The following CNTNAP2 variants were observed in gnomAD, a reference collection of about 807,000 sequenced individuals.
The protein encoded by CNTNAP2 is contactin associated protein 2.
A neutral mutation model predicts 155.2 loss-of-function variants in CNTNAP2; 98 were observed. The ratio of observed to expected loss-of-function variants is 0.63; its 90% CI spans 0.54 to 0.75. The LOEUF is 0.75. Ranked by LOEUF, CNTNAP2 falls within the 30% of genes least tolerant of loss-of-function variation. The pLI is 0.00. For missense variants in CNTNAP2, 1,727 were observed against 1,688.1 expected (o/e 1.02, Z -0.40); for synonymous variants, 651 against 631.2 (o/e 1.03, Z -0.47).
chr7:146,709,929 G>C (rs1307948195), intron 1 of CNTNAP2, among the ~76,000 whole-genome samples: 2 of 152,196 alleles, frequency 1.3e-5, no homozygotes, highest in Non-Finnish European at 2.9e-5. Flanking sequence ...TGGGGATTTA[G>C]AACAGCAGAA....
chr7:146,488,775 C>A (rs148767064), intron 1 of CNTNAP2, among the ~76,000 whole-genome samples: 3,486 of 152,184 alleles, frequency 0.023, 69 homozygotes, highest in Middle Eastern at 0.044. Context: ...ATTTCAGGCA[C>A]GTGCCACCAC....
At chr7:146,887,554 A>G (rs1795692702) in intron 3 of CNTNAP2, among the ~76,000 whole-genome samples, 1 of 152,088 alleles carries the variant, frequency 6.6e-6, no homozygotes, top group Admixed American at 6.6e-5. Flanking sequence ...AAGCCATTGA[A>G]TCAGTTTTTC....
chr7:147,529,663 A>T (rs1472079776), intron 11 of CNTNAP2, among the ~76,000 whole-genome samples: 4 of 152,226 alleles, frequency 2.6e-5, no homozygotes, highest in Non-Finnish European at 5.9e-5. Context: ...GGCTTAATAA[A>T]ATAAAAGCAA....
At chr7:147,197,898 A>G (rs1224546868) in intron 8 of CNTNAP2, among the ~76,000 whole-genome samples, 1 of 152,228 alleles carries the variant, frequency 6.6e-6, no homozygotes, top group Non-Finnish European at 1.5e-5. Flanking sequence ...TTTGAGCTCT[A>G]AAGTTTAAAA....
At chr7:147,803,512 AT>A (rs112359999) in intron 13 of CNTNAP2, among the ~76,000 whole-genome samples, 77 of 152,302 alleles carry the variant, frequency 5.1e-4, no homozygotes, top group Middle Eastern at 3.4e-3. Flanking sequence ...TTGCCTTGTC[AT>A]TTCTACCAGT....
chr7:146,167,601 A>G lies in CNTNAP2; in HGVS notation c.97+50628A>G, dbSNP rs543108900. ...TAGAATGATGCTTTGATCTTCTTCT[A>G]GTACAACTATATCTTTGTTGTTGCT... On this transcript the variant is annotated intron_variant, in intron 1 of 23. Coordinates refer to ENST00000361727, the MANE Select transcript of CNTNAP2 (RefSeq NM_014141.6). Among the ~76,000 whole-genome samples the G allele has an allele frequency of 5.9e-5, 9 of 152,330 alleles. No homozygotes were observed. In the South Asian group the frequency reaches 1.9e-3, roughly 32 times the overall value.
chr7:146,860,836 C>T (rs1795084620), intron 3 of CNTNAP2, among the ~76,000 whole-genome samples: 1 of 151,672 alleles, frequency 6.6e-6, no homozygotes, highest in Non-Finnish European at 1.5e-5. Flanking sequence ...TAGAATGAGC[C>T]CTAGAATAAT....
intron 10 of CNTNAP2, among the ~76,000 whole-genome samples, chr7:147,473,250 G>A (rs1798258965): frequency 2.6e-5 from 4 of 152,186 alleles, no homozygotes; most frequent in Admixed American, 2.6e-4. Flanking sequence ...TTAGGAACTG[G>A]AGAGGGTTAT....
chr7:147,044,905 T>C (rs1799327778), intron 4 of CNTNAP2, among the ~76,000 whole-genome samples: 1 of 152,130 alleles, frequency 6.6e-6, no homozygotes, highest in Non-Finnish European at 1.5e-5. Context: ...GATGGTGAAT[T>C]CTTCTTGAGA....
intron 10 of CNTNAP2, among the ~76,000 whole-genome samples, chr7:147,433,839 T>C (rs750648399): frequency 3.9e-5 from 6 of 152,260 alleles, no homozygotes; most frequent in Non-Finnish European, 8.8e-5. Context: ...TTGATATGTC[T>C]TGTTGTATGA....
At chr7:146,998,237 T>C (rs1798349750) in intron 3 of CNTNAP2, among the ~76,000 whole-genome samples, 1 of 152,096 alleles carries the variant, frequency 6.6e-6, no homozygotes, top group Admixed American at 6.6e-5. Context: ...TTCCCATTTA[T>C]ATTTGTCTGA....
intron 1 of CNTNAP2, among the ~76,000 whole-genome samples, chr7:146,303,559 T>G (rs1381635850): frequency 6.6e-6 from 1 of 152,138 alleles, no homozygotes; most frequent in Non-Finnish European, 1.5e-5. Flanking sequence ...GTTTTTCAGT[T>G]TCCATGTAGT....
intron 10 of CNTNAP2, among the ~76,000 whole-genome samples, chr7:147,443,035 C>T (rs1797670034): frequency 6.6e-6 from 1 of 152,080 alleles, no homozygotes; most frequent in South Asian, 2.1e-4. Flanking sequence ...AGGTTGTGTG[C>T]CCCACCCTCA....
At chr7:147,764,327 A>T (rs1347308289) in intron 13 of CNTNAP2, among the ~76,000 whole-genome samples, 1 of 152,096 alleles carries the variant, frequency 6.6e-6, no homozygotes, top group Non-Finnish European at 1.5e-5. Context: ...CTGCTCAGCT[A>T]CACCTCATGT....
intron 1 of CNTNAP2, among the ~76,000 whole-genome samples, chr7:146,318,095 C>T (rs769899732): frequency 2.0e-5 from 3 of 150,492 alleles, no homozygotes; most frequent in Admixed American, 6.6e-5. Flanking sequence ...GAGCCAAGAT[C>T]GCACCACTGC....
At chr7:148,210,114 T>C (rs1409921908) in intron 18 of CNTNAP2, among the ~76,000 whole-genome samples, 2 of 151,538 alleles carry the variant, frequency 1.3e-5, no homozygotes, top group African/African-American at 2.4e-5. Context: ...CAGAGGAAAA[T>C]AGAGGTTCAG....
At chr7:146,870,213 CTT>C (rs35523634) in intron 3 of CNTNAP2, among the ~76,000 whole-genome samples, 3 of 143,068 alleles carry the variant, frequency 2.1e-5, no homozygotes, top group African/African-American at 2.6e-5. Flanking sequence ...AGGTCCTGGG[CTT>C]TTTTTTTTTG....
At chr7:148,186,738 C>A (rs1173817838) in intron 18 of CNTNAP2, among the ~76,000 whole-genome samples, 1 of 152,168 alleles carries the variant, frequency 6.6e-6, no homozygotes, top group African/African-American at 2.4e-5. Flanking sequence ...GAGCACCTGG[C>A]CTAAGTTTGA....
intron 15 of CNTNAP2, among the ~76,000 whole-genome samples, chr7:147,996,150 T>C (rs576614913): frequency 6.6e-6 from 1 of 152,172 alleles, no homozygotes; most frequent in African/African-American, 2.4e-5. Flanking sequence ...AAGCTTGGTT[T>C]CTCTAATAGC....
Sources: allele counts gnomAD v4.1 joint callset (sites outside exome capture counted in the v4.1 genomes callset), GRCh38; gene constraint gnomAD v4.1.1; transcripts MANE v1.5; gene names NCBI Gene and HGNC (gene_info 2026-07-23, HGNC 2026-07-21).